RTN1: variants seen among roughly 807,000 people sequenced by gnomAD.
The protein encoded by RTN1 is reticulon 1, also known as reticulon-1.
In RTN1, 25 loss-of-function variants were observed where a neutral mutation model predicts 65.5. That is an observed-to-expected ratio of 0.38 (90% CI 0.28 to 0.53). The LOEUF (loss-of-function observed/expected upper bound fraction) is 0.53. Ranked by LOEUF, RTN1 falls within the 20% of genes least tolerant of loss-of-function variation. RTN1 has a pLI of 0.79. For missense variants in RTN1, 983 were observed against 1,025.4 expected, an observed-to-expected ratio of 0.96 and a Z score of 0.57; for synonymous variants, 471 against 447.6, an observed-to-expected ratio of 1.05 and a Z score of -0.66.
intron 1 of RTN1, among the ~76,000 whole-genome samples, chr14:59,798,814 G>T (rs1030858534): frequency 6.6e-6 from 1 of 151,376 alleles, no homozygotes; most frequent in African/African-American, 2.4e-5. Context: ...GCAGGGGTGG[G>T]GGTGGGGAGA....
chr14:59,834,933 A>G (rs1887188473), intron 1 of RTN1, among the ~76,000 whole-genome samples: 1 of 152,202 alleles, frequency 6.6e-6, no homozygotes, highest in South Asian at 2.1e-4. Flanking sequence ...ACTTTAGAAA[A>G]CAGTTTTGCA....
At chr14:59,722,042 T>C (rs893154078) in intron 3 of RTN1, among the ~76,000 whole-genome samples, 1 of 152,218 alleles carries the variant, frequency 6.6e-6, no homozygotes, top group African/African-American at 2.4e-5. Context: ...TTTACACATG[T>C]GTATAATTTA....
Position 59,745,826 on chromosome 14 carries a change from C to T in RTN1, c.897G>A (p.Lys299=), listed in dbSNP as rs187646949. ...EPSVETTTQE[K]TPEKQDICLK... ...GACATATATCTTGCTTCTCAGGGGT[C>T]TTCTCTTGGGTAGTGGTTTCAACAG... is the stretch of plus-strand genomic sequence containing the variant. The change falls in exon 2 of 9, where the codon AAG becomes AAA. Residue 299 remains lysine, a synonymous_variant. Coordinates refer to ENST00000267484, the MANE Select transcript of RTN1 (RefSeq NM_021136.3). 6.2e-7 allele frequency: 1 copy of T among 1,613,848 alleles called. No individual in the cohort carries two copies. The highest frequency in any genetic ancestry group is 1.3e-5 in the African/African-American group (1 of 74,838).
At chr14:59,756,998 C>A (rs1885653621) in intron 1 of RTN1, among the ~76,000 whole-genome samples, 1 of 151,878 alleles carries the variant, frequency 6.6e-6, no homozygotes, top group East Asian at 1.9e-4. Context: ...TCTTTGTTTA[C>A]AAAAAAATAC....
chr14:59,847,008 T>C (rs1354977744), intron 1 of RTN1, among the ~76,000 whole-genome samples: 1 of 152,098 alleles, frequency 6.6e-6, no homozygotes, highest in Non-Finnish European at 1.5e-5. Context: ...AAGGGAGAAA[T>C]AACAGTTTTA....
chr14:59,814,369 AT>A (rs1041649237), intron 1 of RTN1, among the ~76,000 whole-genome samples: 54 of 152,196 alleles, frequency 3.5e-4, no homozygotes, highest in African/African-American at 1.1e-3. Context: ...CAATTGATAG[AT>A]AGCTGATTGC....
At chr14:59,735,335 AG>A (rs1884981405) in intron 2 of RTN1, among the ~76,000 whole-genome samples, 1 of 152,220 alleles carries the variant, frequency 6.6e-6, no homozygotes, top group South Asian at 2.1e-4. Flanking sequence ...TAAACAAGTC[AG>A]AAAAATGACC....
At chr14:59,783,913 CAAA>C (rs35470675) in intron 1 of RTN1, among the ~76,000 whole-genome samples, 34 of 104,210 alleles carry the variant, frequency 3.3e-4, no homozygotes, top group Non-Finnish European at 2.4e-4. Context: ...AATCTGGGGG[CAAA>C]AAAAAAAAAA....
intron 1 of RTN1, among the ~76,000 whole-genome samples, chr14:59,750,237 T>TATTATATCTATAATATATAA (rs1885445110): frequency 1.6e-5 from 1 of 61,962 alleles, no homozygotes; most frequent in Non-Finnish European, 2.6e-5. Flanking sequence ...ATAATATATA[T>TATTATATCTATAATATATAA]ATTATATCTA....
chr14:59,856,334 A>T (rs2139669845), intron 1 of RTN1, among the ~76,000 whole-genome samples: 1 of 152,322 alleles, frequency 6.6e-6, no homozygotes, highest in East Asian at 1.9e-4. Flanking sequence ...ACAAGCCCAC[A>T]GGGCCAGTTG....
At chr14:59,757,364 G>A (rs145021856) in intron 1 of RTN1, among the ~76,000 whole-genome samples, 9 of 152,216 alleles carry the variant, frequency 5.9e-5, no homozygotes, top group Non-Finnish European at 1.2e-4. Flanking sequence ...TAGTGAATAC[G>A]TTTCATGAGA....
chr14:59,654,753 A>G (rs945225892), intron 3 of RTN1, among the ~76,000 whole-genome samples: 3 of 152,284 alleles, frequency 2.0e-5, no homozygotes, highest in Admixed American at 1.3e-4. Flanking sequence ...ATGCCCTTTC[A>G]TGTTAAAAAC....
At chr14:59,782,756 T>G (rs1886180028) in intron 1 of RTN1, among the ~76,000 whole-genome samples, 1 of 152,204 alleles carries the variant, frequency 6.6e-6, no homozygotes, top group East Asian at 1.9e-4. Context: ...AGAAAAGTAA[T>G]GTACTTCACC....
At chr14:59,777,390 C>T (rs186646327) in intron 1 of RTN1, among the ~76,000 whole-genome samples, 1 of 152,212 alleles carries the variant, frequency 6.6e-6, no homozygotes, top group East Asian at 1.9e-4. Context: ...GGAAATAGAC[C>T]AGATTATATT....
chr14:59,687,241 T>G (rs1883864795), intron 3 of RTN1, among the ~76,000 whole-genome samples: 1 of 152,116 alleles, frequency 6.6e-6, no homozygotes, highest in Non-Finnish European at 1.5e-5. Context: ...ATCCAGGCAT[T>G]TGGAGCATCT....
At position 59,746,394 on chromosome 14, in the gene RTN1, G is replaced by C. The variant is rs1885226320; in HGVS notation, c.329C>G (p.Ser110Cys). 12 of 1,614,054 alleles carry C rather than the reference G, an allele frequency of 7.4e-6. No individual in the cohort carries two copies. Among genetic ancestry groups the C allele is most frequent in the Non-Finnish European group, 1.0e-5 (12 of 1,179,946 alleles). The change falls in exon 2 of 9, where the codon TCT becomes TGT. Residue 110 changes from serine to cysteine, a missense_variant. Physicochemically the swap from Ser to Cys is moderately radical, Grantham distance 112 (BLOSUM62 -1). This residue lies in a region of RTN1 where 818 missense variants were observed against 801.8 expected (regional missense o/e 1.02). Transcript: ENST00000267484. ...CTCCTGAGGTGGATAGCAGATGTCA[G>C]AAATGAGAGATGTGTAACACGATCC... ...GEGSCYTSLI[S>C]DICYPPQEDS...
At chr14:59,685,700 T>C (rs1189896686) in intron 3 of RTN1, among the ~76,000 whole-genome samples, 1 of 152,190 alleles carries the variant, frequency 6.6e-6, no homozygotes, top group Non-Finnish European at 1.5e-5. Flanking sequence ...CTCATATTCA[T>C]GAATTAGAAG....
intron 1 of RTN1, among the ~76,000 whole-genome samples, chr14:59,801,860 TC>T (rs1886552797): frequency 6.6e-6 from 1 of 152,210 alleles, no homozygotes; most frequent in South Asian, 2.1e-4. Flanking sequence ...CCTGTACTGT[TC>T]CATGTAAAAA....
At chr14:59,675,681 T>C (rs1883612752) in intron 3 of RTN1, among the ~76,000 whole-genome samples, 1 of 151,952 alleles carries the variant, frequency 6.6e-6, no homozygotes, top group Non-Finnish European at 1.5e-5. Context: ...GTTAAGTAAC[T>C]TGTCTAAAGT....
Sources: allele counts gnomAD v4.1 joint callset (sites outside exome capture counted in the v4.1 genomes callset), GRCh38; gene constraint gnomAD v4.1.1; regional missense constraint gnomAD v4.1.1; transcripts MANE v1.5; gene names NCBI Gene and HGNC (gene_info 2026-07-23, HGNC 2026-07-21).